Variants in DESI2 observed in about 807,000 individuals in gnomAD.
The protein encoded by DESI2 is deubiquitinase DESI2.
DESI2 carries 10 observed loss-of-function variants against 24.1 expected under a neutral mutation model. That is an observed-to-expected ratio of 0.41 (90% CI 0.26 to 0.70). The LOEUF (loss-of-function observed/expected upper bound fraction) is 0.70. Ranked by LOEUF, DESI2 falls within the 30% of genes least tolerant of loss-of-function variation. The pLI, the probability that DESI2 is intolerant of heterozygous loss-of-function variation, is 0.29. For missense variants in DESI2, 122 were observed against 234.9 expected, an observed-to-expected ratio of 0.52 and a Z score of 3.14; for synonymous variants, 71 against 87.7, an observed-to-expected ratio of 0.81 and a Z score of 1.06.
At chr1:244,691,236 C>T (rs1386857253) in intron 3 of DESI2, among the ~76,000 whole-genome samples, 1 of 152,190 alleles carries the variant, frequency 6.6e-6, no homozygotes, top group Non-Finnish European at 1.5e-5. Flanking sequence ...TTACAGGCAC[C>T]TGCCATCATG....
intron 1 of DESI2, among the ~76,000 whole-genome samples, chr1:244,667,779 C>T (rs1676097412): frequency 6.6e-6 from 1 of 152,184 alleles, no homozygotes; most frequent in East Asian, 1.9e-4. Flanking sequence ...AGGGCTCTCA[C>T]CTGTCACCTG....
chr1:244,665,030 T>C (rs1027823352), intron 1 of DESI2, among the ~76,000 whole-genome samples: 1 of 152,212 alleles, frequency 6.6e-6, no homozygotes, highest in Non-Finnish European at 1.5e-5. Flanking sequence ...CATGGATATT[T>C]AGGTCTGTTT....
intron 1 of DESI2, among the ~76,000 whole-genome samples, chr1:244,683,782 G>A (rs1395424326): frequency 6.6e-6 from 1 of 151,362 alleles, no homozygotes; most frequent in African/African-American, 2.4e-5. Flanking sequence ...GTGCAGTGGT[G>A]TGATCATAGC....
intron 4 of DESI2, among the ~76,000 whole-genome samples, chr1:244,703,501 A>T (rs1419530024): frequency 6.6e-6 from 1 of 152,000 alleles, no homozygotes; most frequent in African/African-American, 2.4e-5. Context: ...GGCTACAGGC[A>T]CACACCACCA....
chr1:244,695,099 G>T (rs1184792153), intron 4 of DESI2, among the ~76,000 whole-genome samples: 2 of 152,164 alleles, frequency 1.3e-5, no homozygotes, highest in African/African-American at 4.8e-5. Context: ...TTGGGATGTT[G>T]GCCCCACCGG....
chr1:244,654,292 A>G (rs1675572691), intron 1 of DESI2, among the ~76,000 whole-genome samples: 1 of 152,202 alleles, frequency 6.6e-6, no homozygotes, highest in Non-Finnish European at 1.5e-5. Flanking sequence ...GCAGTGCTTA[A>G]AATTCCTTGT....
At chr1:244,694,210 A>G (rs1677127003) in intron 4 of DESI2, among the ~76,000 whole-genome samples, 1 of 152,232 alleles carries the variant, frequency 6.6e-6, no homozygotes, top group South Asian at 2.1e-4. Context: ...AGGGATTAGC[A>G]AACTACTATA....
At chr1:244,699,578 C>CAAAAAAAAAAAA (rs559295405) in intron 4 of DESI2, among the ~76,000 whole-genome samples, 20 of 66,220 alleles carry the variant, frequency 3.0e-4, no homozygotes, top group African/African-American at 6.2e-4. Context: ...GAGACTGTCT[C>CAAAAAAAAAAAA]AAAAAAAAAA....
chr1:244,655,621 T>C (rs1675619274), intron 1 of DESI2, among the ~76,000 whole-genome samples: 1 of 152,206 alleles, frequency 6.6e-6, no homozygotes, highest in African/African-American at 2.4e-5. Context: ...AGCATGGTTT[T>C]GATAAGAGCA....
chr1:244,676,363 C>T (rs1387445020), intron 1 of DESI2, among the ~76,000 whole-genome samples: 2 of 152,096 alleles, frequency 1.3e-5, no homozygotes, highest in Non-Finnish European at 2.9e-5. Flanking sequence ...AGGTGTGAGC[C>T]ACCGCGCCTG....
intron 1 of DESI2, among the ~76,000 whole-genome samples, chr1:244,682,783 A>G (rs1032275377): frequency 7.2e-5 from 11 of 151,942 alleles, no homozygotes; most frequent in African/African-American, 2.7e-4. Context: ...ATTGGTCTGC[A>G]GGAGTTGTTT....
chr1:244,669,704 T>C (rs1363961347), intron 1 of DESI2, among the ~76,000 whole-genome samples: 1 of 152,066 alleles, frequency 6.6e-6, no homozygotes, highest in East Asian at 1.9e-4. Context: ...GAAACTAGAC[T>C]TCAGTGACAC....
intron 1 of DESI2, among the ~76,000 whole-genome samples, chr1:244,673,212 A>C (rs1167909929): frequency 2.0e-5 from 3 of 152,138 alleles, no homozygotes; most frequent in Admixed American, 2.0e-4. Flanking sequence ...GTTCTCTAAT[A>C]ATAGATCTAG....
chr1:244,695,547 G>A (rs990647198), intron 4 of DESI2, among the ~76,000 whole-genome samples: 18 of 152,138 alleles, frequency 1.2e-4, no homozygotes, highest in African/African-American at 3.9e-4. Flanking sequence ...CAGCTACTCA[G>A]GAGGCTGAGG....
chr1:244,662,324 A>G (rs1294198146), intron 1 of DESI2, among the ~76,000 whole-genome samples: 1 of 152,168 alleles, frequency 6.6e-6, no homozygotes, highest in African/African-American at 2.4e-5. Flanking sequence ...TTTGGCTGTT[A>G]TGAATAATGG....
intron 4 of DESI2, among the ~76,000 whole-genome samples, chr1:244,703,875 G>A (rs1429890355): frequency 2.0e-5 from 3 of 151,978 alleles, no homozygotes; most frequent in South Asian, 2.1e-4. Flanking sequence ...AGCCAGGATG[G>A]TCTCGATCTC....
At chr1:244,690,439 C>T (rs904067145) in intron 3 of DESI2, among the ~76,000 whole-genome samples, 1 of 152,190 alleles carries the variant, frequency 6.6e-6, no homozygotes, top group Non-Finnish European at 1.5e-5. Flanking sequence ...GGTGCAGTGG[C>T]TCATGCCTGT....
rs1284638119 is a variant in DESI2, at chr1:244,707,738, CTCT to C, written c.*1954_*1956del. 1.3e-5 allele frequency: 2 copies of C among 152,196 alleles called. No individual in the cohort carries two copies. Among genetic ancestry groups the C allele is most frequent in the African/African-American group, 2.4e-5 (1 of 41,448 alleles). 9.4% of individuals were successfully genotyped at this position (152,196 alleles called of 1,614,324 possible). A position where few individuals can be genotyped will look rare whatever the true frequency, so the allele number is the denominator to read the frequency against. ...ACACACACAGTAGCCATTAGTTAGA[CTCT>C]TCTTAGTGAATATCAGGAACATCCC... is the stretch of plus-strand genomic sequence containing the variant. On this transcript the variant is annotated 3_prime_UTR_variant, in exon 5 of 5. Transcript: ENST00000302550.
At chr1:244,688,068 A>G (rs142894010) in intron 2 of DESI2, among the ~76,000 whole-genome samples, 185 of 152,304 alleles carry the variant, frequency 1.2e-3, no homozygotes, top group Non-Finnish European at 2.1e-3. Flanking sequence ...CCGTGGCTCT[A>G]TTATCTCCCT....
Sources: gnomAD v4.1 joint callset for allele counts (sites outside exome capture counted in the v4.1 genomes callset) on GRCh38, gnomAD v4.1.1 for gene constraint, MANE v1.5 for transcripts, NCBI Gene and HGNC (gene_info 2026-07-23, HGNC 2026-07-21) for gene names.